ELL: variants seen among roughly 807,000 people sequenced by gnomAD.
ELL encodes RNA polymerase II elongation factor ELL.
In ELL, 18 loss-of-function variants were observed where a neutral mutation model predicts 64.0. The ratio of observed to expected loss-of-function variants is 0.28; its 90% CI spans 0.19 to 0.42. The LOEUF (loss-of-function observed/expected upper bound fraction) is 0.42, where lower values mean the gene tolerates loss of function less well. Ranked by LOEUF, ELL falls within the 10% of genes least tolerant of loss-of-function variation. The probability of loss-of-function intolerance (pLI) is 1.00; values close to 1 mark genes in which losing one functional copy is unlikely to be tolerated. For synonymous variants in ELL, 399 were observed against 376.2 expected, an observed-to-expected ratio of 1.06 and a Z score of -0.70; for missense variants, 797 against 870.4, an observed-to-expected ratio of 0.92 and a Z score of 1.06.
In ELL at chr19:18,461,688, G is replaced by A. The variant is rs761619148; in HGVS notation, c.634C>T (p.Leu212=). Reference sequence around the variant, plus strand: ...TAGGGCCGTAGTGCCAGGAGGTGCAGCACTCGGTCACGGAAGGGCCTCTGG... The same window carrying A: ...TAGGGCCGTAGTGCCAGGAGGTGCAACACTCGGTCACGGAAGGGCCTCTGG... ...VSQRPFRDRV[L]HLLALRPYRK... Residue 212 remains leucine (L), a synonymous_variant, in exon 5 of 12, where the codon CTG becomes TTG. Coordinates refer to ENST00000262809, the MANE Select transcript of ELL (RefSeq NM_006532.4). 3.7e-6 allele frequency: 6 copies of A among 1,613,520 alleles called. No homozygotes were observed. Among genetic ancestry groups the A allele is most frequent in the Non-Finnish European group, 5.1e-6 (6 of 1,179,974 alleles).
intron 1 of ELL, among the ~76,000 whole-genome samples, chr19:18,509,587 G>GCGCA (rs1975961041): frequency 8.9e-6 from 1 of 112,844 alleles, no homozygotes; most frequent in Non-Finnish European, 1.8e-5. Context: ...GCACGTGCGC[G>GCGCA]CGCGCGCACA....
intron 5 of ELL, among the ~76,000 whole-genome samples, chr19:18,459,927 T>C (rs1350501058): frequency 6.6e-6 from 1 of 152,214 alleles, no homozygotes. Context: ...TTTTTTCAGG[T>C]TGGCAACAGT....
intron 2 of ELL, among the ~76,000 whole-genome samples, chr19:18,472,019 A>G (rs1975074827): frequency 6.6e-6 from 1 of 151,674 alleles, no homozygotes; most frequent in African/African-American, 2.4e-5. Flanking sequence ...CTGTAGTACA[A>G]TGGTGCGATC....
chr19:18,461,897 G>A (rs757555713), intron 4 of ELL, 45 bp from the exon 5 acceptor site: 73 of 1,581,596 alleles, frequency 4.6e-5, no homozygotes, highest in East Asian at 1.6e-4. Context: ...GGGCGCTGCC[G>A]TGTCCTAAGC....
At chr19:18,490,559 T>G (rs1375888251) in intron 1 of ELL, among the ~76,000 whole-genome samples, 5 of 152,246 alleles carry the variant, frequency 3.3e-5, no homozygotes, top group African/African-American at 7.2e-5. Context: ...TCAATGTTTT[T>G]GGGTAACATA....
intron 1 of ELL, among the ~76,000 whole-genome samples, chr19:18,479,394 A>C (rs933926958): frequency 6.6e-6 from 1 of 152,172 alleles, no homozygotes; most frequent in Non-Finnish European, 1.5e-5. Context: ...TAAATGGAAA[A>C]GTTACGGGTG....
chr19:18,495,646 G>A (rs906175791), intron 1 of ELL, among the ~76,000 whole-genome samples: 7 of 152,324 alleles, frequency 4.6e-5, no homozygotes, highest in African/African-American at 7.2e-5. Context: ...GGCAGTGGCT[G>A]CCCCACTGAG....
chr19:18,506,636 G>C (rs953043203), intron 1 of ELL, among the ~76,000 whole-genome samples: 14 of 152,098 alleles, frequency 9.2e-5, no homozygotes, highest in Admixed American at 6.5e-5. Flanking sequence ...GAGGTAGGAG[G>C]ATCACTTGAG....
At chr19:18,506,532 G>A (rs1393418342) in intron 1 of ELL, among the ~76,000 whole-genome samples, 1 of 152,224 alleles carries the variant, frequency 6.6e-6, no homozygotes, top group Non-Finnish European at 1.5e-5. Context: ...TTTGAGACCA[G>A]GCTGAGCAAC....
chr19:18,465,274 G>C lies in ELL; in HGVS notation c.469+138C>G, dbSNP rs549976489. On this transcript the variant is annotated intron_variant, in intron 4 of 11. Coordinates refer to ENST00000262809, the MANE Select transcript of ELL (RefSeq NM_006532.4). Reference sequence around the variant, plus strand: ...CCAGACTCTGGTCCAGGCACGTCCTGCTCAGGGACCGACTCCTCGGTTGAC... The same window carrying C: ...CCAGACTCTGGTCCAGGCACGTCCTCCTCAGGGACCGACTCCTCGGTTGAC... 14 of 1,267,410 alleles carry C rather than the reference G, an allele frequency of 1.1e-5. No individual in the cohort carries two copies. The East Asian group carries it at 1.3e-4, about 12-fold the overall frequency. The allele number at this position is 1,267,410 out of a possible 1,614,324, so 78.5% of individuals were successfully genotyped here.
chr19:18,479,275 A>AGGGGCTGAGAAGCCC (rs1437250092), intron 1 of ELL, among the ~76,000 whole-genome samples: 37 of 152,348 alleles, frequency 2.4e-4, no homozygotes, highest in African/African-American at 8.4e-4. Flanking sequence ...CAAGCAGTGC[A>AGGGGCTGAGAAGCCC]GGGGCTGAGA....
chr19:18,489,714 T>C (rs1361573972), intron 1 of ELL, among the ~76,000 whole-genome samples: 4 of 152,256 alleles, frequency 2.6e-5, no homozygotes, highest in South Asian at 4.2e-4. Context: ...TAGATCCTCC[T>C]GGGATCCACC....
In ELL at chr19:18,461,709, T is replaced by C; in HGVS notation, c.613A>G (p.Arg205Gly). Residue 205 changes from arginine (R) to glycine (G), a missense_variant, in exon 5 of 12, where the codon AGG (arginine) becomes GGG (glycine). Transcript: ENST00000262809. Reference sequence around the variant, plus strand: ...TGCAGCACTCGGTCACGGAAGGGCCTCTGGGACACCCCGCTGCCCCCACTC... The same window carrying C: ...TGCAGCACTCGGTCACGGAAGGGCCCCTGGGACACCCCGCTGCCCCCACTC... ...AVSGGSGVSQ[R>G]PFRDRVLHLL... The C allele has an allele frequency of 6.2e-7, 1 of 1,613,680 alleles. No homozygotes were observed. The highest frequency in any genetic ancestry group is 8.5e-7 in the Non-Finnish European group (1 of 1,179,958).
At position 18,449,006 on chromosome 19, in the gene ELL, C is replaced by T. The variant is rs530781944; in HGVS notation, c.1465+1471G>A. Among the ~76,000 whole-genome samples, 1 of 152,312 alleles carries T rather than the reference C, an allele frequency of 6.6e-6. No homozygotes were observed. The highest frequency in any genetic ancestry group is 1.9e-4 in the East Asian group (1 of 5,186). On this transcript the variant is annotated intron_variant, in intron 8 of 11. Coordinates refer to ENST00000262809, the MANE Select transcript of ELL (RefSeq NM_006532.4). The surrounding 1 kb of genome is among the most constrained non-coding windows in gnomAD (Gnocchi z 4.4). Reference sequence around the variant, plus strand: ...CTCTGGTAACATGGACCACCAGCACCAGGCTCAGCTTCTGGTGCCTCCACT... The same window carrying T: ...CTCTGGTAACATGGACCACCAGCACTAGGCTCAGCTTCTGGTGCCTCCACT...
intron 4 of ELL, among the ~76,000 whole-genome samples, chr19:18,463,872 G>A (rs1284338889): frequency 6.6e-6 from 1 of 152,042 alleles, no homozygotes; most frequent in African/African-American, 2.4e-5. Context: ...TGTAGTCCCA[G>A]CTACTCGGGA....
At chr19:18,446,661 C>T (rs1028417256) in intron 9 of ELL, 87 bp downstream of exon 9, 8 of 1,550,378 alleles carry the variant, frequency 5.2e-6, no homozygotes, top group Non-Finnish European at 4.4e-6. Flanking sequence ...GCAGTGGCTT[C>T]TACCTCTGAT....
Position 18,445,093 on chromosome 19 carries a change from T to C in ELL, c.1749+131A>G, listed in dbSNP as rs914582512. On this transcript the variant is annotated intron_variant, in intron 11 of 11. Coordinates refer to ENST00000262809, the MANE Select transcript of ELL (RefSeq NM_006532.4). ...CTTAGCTGGGGGTGGTGGGGCAACTTTGGCCTCAGACTCAAAGGCTCTTCC... is the reference window on the plus strand; with the variant it reads ...CTTAGCTGGGGGTGGTGGGGCAACTCTGGCCTCAGACTCAAAGGCTCTTCC... 9.7e-6 allele frequency: 13 copies of C among 1,335,708 alleles called. No homozygotes were observed. In the Middle Eastern group the frequency reaches 7.0e-4, roughly 72 times the overall value. The allele number at this position is 1,335,708 out of a possible 1,614,324, so 82.7% of individuals were successfully genotyped here. A position where few individuals can be genotyped will look rare whatever the true frequency, so the allele number is the denominator to read the frequency against.
intron 1 of ELL, among the ~76,000 whole-genome samples, chr19:18,484,492 T>C (rs565187007): frequency 2.0e-5 from 3 of 152,048 alleles, no homozygotes; most frequent in African/African-American, 7.2e-5. Context: ...AATTTAAAAA[T>C]TAGCCAGGTG....
At chr19:18,482,314 T>G (rs1278760125) in intron 1 of ELL, among the ~76,000 whole-genome samples, 1 of 86,372 alleles carries the variant, frequency 1.2e-5, no homozygotes, top group Non-Finnish European at 2.2e-5. Context: ...ATTCCTTTTT[T>G]TTTTTTTTTT....
Sources: allele counts gnomAD v4.1 joint callset (sites outside exome capture counted in the v4.1 genomes callset), GRCh38; gene constraint gnomAD v4.1.1; non-coding constraint Gnocchi (gnomAD v3.1); transcripts MANE v1.5; gene names NCBI Gene and HGNC (gene_info 2026-07-23, HGNC 2026-07-21).